The following GTF3C5 variants were observed in gnomAD, a reference collection of about 807,000 sequenced individuals.
The protein encoded by GTF3C5 is general transcription factor IIIC subunit 5, also known as general transcription factor 3C polypeptide 5.
A neutral mutation model predicts 61.0 loss-of-function variants in GTF3C5; 47 were observed. The observed-to-expected ratio is 0.77, with a 90% CI of 0.61 to 0.98. The LOEUF is 0.98. Ranked by LOEUF, GTF3C5 falls within the 50% of genes least tolerant of loss-of-function variation. The probability of loss-of-function intolerance (pLI) is 0.00; values close to 1 mark genes in which losing one functional copy is unlikely to be tolerated. For synonymous variants in GTF3C5, 295 were observed against 275.4 expected, an observed-to-expected ratio of 1.07 and a Z score of -0.71; for missense variants, 659 against 703.3, an observed-to-expected ratio of 0.94 and a Z score of 0.71.
At position 133,052,085 on chromosome 9, in the gene GTF3C5, C is replaced by A; in HGVS notation, c.794C>A (p.Ser265Tyr). The A allele has an allele frequency of 6.2e-7, 1 of 1,606,968 alleles. No homozygotes were observed. Among genetic ancestry groups the A allele is most frequent in the Non-Finnish European group, 8.5e-7 (1 of 1,175,748 alleles). The change falls in exon 5 of 11, where the codon TCC becomes TAC. Residue 265 changes from serine (S) to tyrosine (Y), a missense_variant. Physicochemically the swap from Ser to Tyr is moderately radical, Grantham distance 144. Coordinates refer to ENST00000372097, the MANE Select transcript of GTF3C5 (RefSeq NM_012087.4). ...RKLFDIRPIW[S>Y]RNAVKANISV... is the part of the protein sequence containing the mutation. ...CTGTTTGACATCCGTCCCATCTGGTCCCGAAATGCTGTCAAGGCCAACATC... is the reference window on the plus strand; with the variant it reads ...CTGTTTGACATCCGTCCCATCTGGTACCGAAATGCTGTCAAGGCCAACATC...
At chr9:133,046,391 GC>G (rs1850205936) in intron 3 of GTF3C5, among the ~76,000 whole-genome samples, 1 of 152,164 alleles carries the variant, frequency 6.6e-6, no homozygotes, top group Admixed American at 6.5e-5. Context: ...TGGGACCCAT[GC>G]CCAGGTGCCT....
chr9:133,036,716 A>G (rs2519086), intron 1 of GTF3C5, among the ~76,000 whole-genome samples: 72,958 of 151,878 alleles, frequency 0.48, 18,176 homozygotes, highest in African/African-American at 0.59. Context: ...AGGTATAAAG[A>G]TTTTGTTTTT....
rs139422900 is a variant in GTF3C5 at position 133,043,812 on chromosome 9, G to A, written c.458G>A (p.Arg153Gln). 3.0e-4 allele frequency: 481 copies of A among 1,613,990 alleles called. No individual in the cohort carries two copies. The highest frequency in any genetic ancestry group is 3.9e-4 in the Non-Finnish European group (458 of 1,179,996). ...TSMYDKVLML[R>Q]PEKEAFFHQE... The stretch of plus-strand genomic sequence containing the variant: ...ATGTATGACAAGGTGCTCATGCTCC[G>A]GCCCGAGAAGGAGGCCTTTTTCCAC... Residue 153 changes from arginine to glutamine, a missense_variant, in exon 3 of 11, where the codon CGG becomes CAG. Arg to Gln is a conservative substitution (Grantham distance 43, BLOSUM62 1). Transcript: ENST00000372097.
chr9:133,036,060 G>C (rs181379999), intron 1 of GTF3C5, among the ~76,000 whole-genome samples: 75 of 152,286 alleles, frequency 4.9e-4, no homozygotes, highest in African/African-American at 1.7e-3. Flanking sequence ...CCCTCCTTCT[G>C]CAAGGGCTTC....
intron 1 of GTF3C5, among the ~76,000 whole-genome samples, chr9:133,034,865 G>T (rs929688239): frequency 2.0e-5 from 3 of 152,186 alleles, no homozygotes; most frequent in African/African-American, 7.2e-5. Context: ...TGTCAGCAAT[G>T]GAGTGTAGAT....
intron 8 of GTF3C5, chr9:133,055,054 A>G (rs1349585110): frequency 1.3e-6 from 2 of 1,551,530 alleles, no homozygotes; most frequent in Non-Finnish European, 1.7e-6. Flanking sequence ...GTCTGGCACC[A>G]GCAGCTGCAT....
chr9:133,048,697 A>G (rs1435261846), intron 3 of GTF3C5, among the ~76,000 whole-genome samples: 2 of 152,188 alleles, frequency 1.3e-5, no homozygotes, highest in African/African-American at 2.4e-5. Flanking sequence ...ACTTGTCAGC[A>G]CTGCCGCCCC....
intron 10 of GTF3C5, 70 bp downstream of exon 10, chr9:133,056,978 A>AG: frequency 7.1e-7 from 1 of 1,402,894 alleles, no homozygotes; most frequent in South Asian, 1.5e-5. Flanking sequence ...GGTGTCCCTA[A>AG]GGGGACCCAT....
intron 3 of GTF3C5, among the ~76,000 whole-genome samples, chr9:133,050,281 G>A (rs571795920): frequency 4.4e-4 from 67 of 152,328 alleles, no homozygotes; most frequent in Non-Finnish European, 7.6e-4. Flanking sequence ...TAGTTTGAGC[G>A]TTAAATAAGT....
intron 6 of GTF3C5, among the ~76,000 whole-genome samples, 196 bp downstream of exon 6, chr9:133,054,138 G>A (rs981354414): frequency 2.0e-5 from 3 of 152,294 alleles, no homozygotes; most frequent in Admixed American, 6.5e-5. Context: ...ACCACTGACC[G>A]CCCGTTTCTG....
chr9:133,057,919 A>G lies in GTF3C5; in HGVS notation c.1499A>G (p.Asp500Gly). 4.3e-6 allele frequency: 7 copies of G among 1,613,928 alleles called. No individual in the cohort carries two copies. The highest frequency in any genetic ancestry group is 5.1e-6 in the Non-Finnish European group (6 of 1,179,982). ...GAGGAGGAGGAAGAGGAGGAGGAGG[A>G]CTTCAAGCCATCCGACGGCAGTGAA... ...DEEEEEEEEE[D>G]FKPSDGSENE... is the part of the protein sequence containing the mutation. The change falls in exon 11 of 11, where the codon GAC (aspartate) becomes GGC (glycine). Residue 500 changes from aspartate (D) to glycine (G), a missense_variant. Asp to Gly is a moderately conservative substitution (Grantham distance 94). Transcript: ENST00000372097.
intron 8 of GTF3C5, chr9:133,055,313 G>A (rs1396552258): frequency 8.7e-6 from 12 of 1,382,662 alleles, no homozygotes; most frequent in Admixed American, 2.2e-5. Context: ...GGGGGAGGCC[G>A]AGAAGGGGGC....
Position 133,042,208 on chromosome 9 carries a change from C to A in GTF3C5, c.275C>A (p.Thr92Lys), listed in dbSNP as rs374684576. The A allele has an allele frequency of 1.2e-6, 2 of 1,613,680 alleles. No homozygotes were observed. The highest frequency in any genetic ancestry group is 2.7e-5 in the African/African-American group (2 of 74,916). ...SSLLLRIRKR[T>K]RRQKGVLGTE... ...CTGCTGCTCCGCATCAGGAAGAGAA[C>A]GAGGCGGCAGAAAGGGGTGCTGGGC... Residue 92 changes from threonine (T) to lysine (K), a missense_variant, in exon 2 of 11, where the codon ACG (threonine) becomes AAG (lysine). By Grantham distance (78) the Thr-to-Lys change is moderately conservative (BLOSUM62 -1). Coordinates refer to ENST00000372097, the MANE Select transcript of GTF3C5 (RefSeq NM_012087.4).
chr9:133,053,008 T>C (rs1850432386), intron 5 of GTF3C5, among the ~76,000 whole-genome samples: 1 of 151,996 alleles, frequency 6.6e-6, no homozygotes. Flanking sequence ...AATTTTCTTT[T>C]TTTGCATTTT....
intron 3 of GTF3C5, among the ~76,000 whole-genome samples, chr9:133,048,901 C>G (rs530303228): frequency 1.3e-5 from 2 of 152,318 alleles, no homozygotes; most frequent in African/African-American, 2.4e-5. Context: ...GGGCTGCTGT[C>G]GATTCTCCTG....
At chr9:133,052,006 C>G (rs575382825) in intron 4 of GTF3C5, 54 bp from the exon 5 acceptor site, 3 of 955,796 alleles carry the variant, frequency 3.1e-6, no homozygotes, top group Non-Finnish European at 4.9e-6. Flanking sequence ...AGTTCAGGGC[C>G]GAAGGGTGGA....
chr9:133,036,490 C>T (rs1043197127), intron 1 of GTF3C5, among the ~76,000 whole-genome samples: 3 of 152,114 alleles, frequency 2.0e-5, no homozygotes, highest in East Asian at 1.9e-4. Flanking sequence ...CTAAAACTTT[C>T]GACAGGAACA....
At chr9:133,048,834 C>T (rs897687976) in intron 3 of GTF3C5, among the ~76,000 whole-genome samples, 1 of 152,218 alleles carries the variant, frequency 6.6e-6, no homozygotes, top group Non-Finnish European at 1.5e-5. Flanking sequence ...GGCCCCCCTC[C>T]CTCCCCATGT....
At chr9:133,044,106 C>T (rs543803470) in intron 3 of GTF3C5, 180 bp downstream of exon 3, 2 of 394,198 alleles carry the variant, frequency 5.1e-6, no homozygotes, top group East Asian at 1.0e-4. Context: ...GATCGCGTCA[C>T]TGCACTCCAG....
Sources: allele counts gnomAD v4.1 joint callset (sites outside exome capture counted in the v4.1 genomes callset), GRCh38; gene constraint gnomAD v4.1.1; transcripts MANE v1.5; gene names NCBI Gene and HGNC (gene_info 2026-07-23, HGNC 2026-07-21).